The following LYPLAL1 variants were observed in gnomAD, a reference collection of about 807,000 sequenced individuals.
LYPLAL1 encodes the protein lysophospholipase-like protein 1.
Under a neutral mutation model 19.7 loss-of-function variants are expected in LYPLAL1, and 23 were observed. The ratio of observed to expected loss-of-function variants is 1.17; its 90% CI spans 0.84 to 1.65. LYPLAL1 has a LOEUF of 1.65. LYPLAL1 is among the 40% of genes most tolerant of loss of function. LYPLAL1 has a pLI of 0.00. For synonymous variants in LYPLAL1, 119 were observed against 96.3 expected, an observed-to-expected ratio of 1.24 and a Z score of -1.38; for missense variants, 355 against 279.4, an observed-to-expected ratio of 1.27 and a Z score of -1.93.
chr1:219,314,533 C>T, the LYPLAL1 span, among the ~76,000 whole-genome samples: 3 of 152,190 alleles, frequency 2.0e-5, no homozygotes, highest in African/African-American at 7.2e-5. Flanking sequence ...CAAGCTCCGC[C>T]TCCCGGGTTC....
the LYPLAL1 span, among the ~76,000 whole-genome samples, chr1:219,387,854 T>G: frequency 2.6e-5 from 4 of 152,218 alleles, no homozygotes; most frequent in Non-Finnish European, 5.9e-5. Flanking sequence ...CAGAATGGTT[T>G]AATATGCTTC....
chr1:219,283,684 A>C, the LYPLAL1 span, among the ~76,000 whole-genome samples: 2 of 152,298 alleles, frequency 1.3e-5, no homozygotes, highest in African/African-American at 2.4e-5. Flanking sequence ...GGCAAAAAAA[A>C]ATTTATTAGG....
the LYPLAL1 span, among the ~76,000 whole-genome samples, chr1:219,276,209 G>T: frequency 3.3e-3 from 501 of 152,228 alleles, 6 homozygotes; most frequent in African/African-American, 0.011. Context: ...TTGCCATTGT[G>T]TCTTGGACTC....
At chr1:219,186,410 T>C (rs1437658991) in intron 2 of LYPLAL1, among the ~76,000 whole-genome samples, 1 of 152,032 alleles carries the variant, frequency 6.6e-6, no homozygotes, top group East Asian at 1.9e-4. Context: ...TGCCAAGGGA[T>C]GGGTATTAAA....
chr1:219,350,584 T>C, the LYPLAL1 span, among the ~76,000 whole-genome samples: 1 of 152,186 alleles, frequency 6.6e-6, no homozygotes, highest in South Asian at 2.1e-4. Flanking sequence ...TAGCAAAGTG[T>C]AGAGCTGAGC....
the LYPLAL1 span, among the ~76,000 whole-genome samples, chr1:219,349,198 T>A: frequency 6.6e-6 from 1 of 152,236 alleles, no homozygotes; most frequent in Non-Finnish European, 1.5e-5. Flanking sequence ...CCCCACGTCT[T>A]GACCCTCTTT....
At chr1:219,211,415 C>T in intron 4 of LYPLAL1, 77 bp from the exon 5 acceptor site, 2 of 1,017,660 alleles carry the variant, frequency 2.0e-6, no homozygotes, top group South Asian at 3.3e-5. Flanking sequence ...TTGGAATTTT[C>T]CTGTTCTCTC....
the LYPLAL1 span, among the ~76,000 whole-genome samples, chr1:219,421,670 A>G: frequency 1.3e-5 from 2 of 152,168 alleles, no homozygotes; most frequent in Admixed American, 6.5e-5. Flanking sequence ...TACAAGATAT[A>G]TAAGTAGTGC....
the LYPLAL1 span, among the ~76,000 whole-genome samples, chr1:219,366,977 T>G: frequency 1.3e-5 from 2 of 152,108 alleles, no homozygotes; most frequent in Non-Finnish European, 2.9e-5. Flanking sequence ...GAAAATAACT[T>G]GATTAAATTC....
intron 1 of LYPLAL1, chr1:219,174,183 G>C: frequency 7.0e-7 from 1 of 1,419,908 alleles, no homozygotes; most frequent in Non-Finnish European, 9.2e-7. Flanking sequence ...CTTTCTATCG[G>C]GCGGTCACTG....
rs539794969 is a variant in LYPLAL1, at chr1:219,207,515, T to C, written c.362-3017T>C. ...ATCACCAAAAACCTACATTTTCTGA[T>C]GATAAATTTGTCTCCTTGCAGAGAT... On this transcript the variant is annotated intron_variant, in intron 3 of 4. Coordinates refer to ENST00000366928, the MANE Select transcript of LYPLAL1 (RefSeq NM_138794.5). Among the ~76,000 whole-genome samples, 47 of 152,178 alleles carry C rather than the reference T, an allele frequency of 3.1e-4. No individual in the cohort carries two copies. The Middle Eastern group carries it at 0.014, about 44-fold the overall frequency.
At chr1:219,431,104 C>T in the LYPLAL1 span, among the ~76,000 whole-genome samples, 3 of 152,108 alleles carry the variant, frequency 2.0e-5, no homozygotes, top group East Asian at 1.9e-4. Flanking sequence ...AAATACTTTT[C>T]GCAAAACTAT....
the LYPLAL1 span, chr1:219,270,687 G>A: frequency 6.6e-6 from 1 of 152,180 alleles, no homozygotes; most frequent in Non-Finnish European, 1.5e-5. Context: ...GCATTCATCT[G>A]TGCAAGTTTC....
At chr1:219,374,628 G>A in the LYPLAL1 span, among the ~76,000 whole-genome samples, 1 of 152,036 alleles carries the variant, frequency 6.6e-6, no homozygotes, top group Non-Finnish European at 1.5e-5. Flanking sequence ...CTAACATTAG[G>A]ATCATGAGAC....
the LYPLAL1 span, among the ~76,000 whole-genome samples, chr1:219,298,236 G>C: frequency 1.3e-5 from 2 of 152,116 alleles, no homozygotes; most frequent in African/African-American, 4.8e-5. Context: ...CCTGAACCTG[G>C]GAGGTCAAGG....
chr1:219,355,067 A>G, the LYPLAL1 span, among the ~76,000 whole-genome samples: 1 of 152,218 alleles, frequency 6.6e-6, no homozygotes, highest in Non-Finnish European at 1.5e-5. Flanking sequence ...AAATCTAAAG[A>G]TGCATACTGT....
chr1:219,408,860 A>G, the LYPLAL1 span, among the ~76,000 whole-genome samples: 2 of 152,226 alleles, frequency 1.3e-5, no homozygotes. Context: ...AATGGGAAAT[A>G]TTTGGAAAGG....
chr1:219,233,422 A>G, the LYPLAL1 span, among the ~76,000 whole-genome samples: 1 of 152,190 alleles, frequency 6.6e-6, no homozygotes, highest in Non-Finnish European at 1.5e-5. Context: ...TTGTTTGCAC[A>G]ATAGTATTAA....
At chr1:219,289,078 G>GTTTTTTTTTTT in the LYPLAL1 span, among the ~76,000 whole-genome samples, 27 of 114,866 alleles carry the variant, frequency 2.4e-4, 1 homozygote, top group Non-Finnish European at 3.4e-4. Flanking sequence ...CTCTTGTTTT[G>GTTTTTTTTTTT]TTTTTTTTGT....
Sources: allele counts gnomAD v4.1 joint callset (sites outside exome capture counted in the v4.1 genomes callset), GRCh38; gene constraint gnomAD v4.1.1; transcripts MANE v1.5; gene names NCBI Gene and HGNC (gene_info 2026-07-23, HGNC 2026-07-21).